The following NYAP2 variants were observed in gnomAD, a reference collection of about 807,000 sequenced individuals.
NYAP2 encodes neuronal tyrosine-phosphorylated phosphoinositide-3-kinase adapter 2.
Under a neutral mutation model 50.4 loss-of-function variants are expected in NYAP2, and 23 were observed. The ratio of observed to expected loss-of-function variants is 0.46; its 90% CI spans 0.33 to 0.65. The LOEUF is 0.65. NYAP2 is among the 30% of genes least tolerant of loss of function. The probability of loss-of-function intolerance (pLI) is 0.02; values close to 1 mark genes in which losing one functional copy is unlikely to be tolerated. For missense variants in NYAP2, 885 were observed against 861.0 expected (o/e 1.03, Z -0.35); for synonymous variants, 394 against 365.2 (o/e 1.08, Z -0.90).
At chr2:225,597,512 A>AATTATATATATATATATATATATATAT (rs1553554328) in intron 5 of NYAP2, among the ~76,000 whole-genome samples, 12 of 46,256 alleles carry the variant, frequency 2.6e-4, no homozygotes, top group African/African-American at 7.0e-4. Flanking sequence ...TCCAAGGAGA[A>AATTATATATATATATATATATATATAT]ATATATATAT....
At chr2:225,627,780 A>T (rs1447635205) in intron 6 of NYAP2, among the ~76,000 whole-genome samples, 2 of 152,240 alleles carry the variant, frequency 1.3e-5, no homozygotes, top group Non-Finnish European at 2.9e-5. Context: ...TCAACTTTTT[A>T]AAAAACAGCA....
At chr2:225,512,552 C>T (rs148570895) in intron 3 of NYAP2, among the ~76,000 whole-genome samples, 278 of 148,530 alleles carry the variant, frequency 1.9e-3, no homozygotes, top group African/African-American at 6.7e-3. Flanking sequence ...TTCCCTCCTT[C>T]CTTCCTTCTT....
chr2:225,631,262 A>G lies in NYAP2; in HGVS notation c.1828+4136A>G, dbSNP rs200851682. ...TAAATTCAGAGTGTAAACAGAATTT[A>G]TACCATACTTTCACTTTCTTCCATA... is the stretch of plus-strand genomic sequence containing the variant. On this transcript the variant is annotated intron_variant, in intron 6 of 6. Transcript: ENST00000636099. 1.2e-4 allele frequency among the ~76,000 whole-genome samples: 18 copies of G among 152,342 alleles called. No homozygotes were observed. In the East Asian group the frequency reaches 3.3e-3, roughly 28 times the overall value.
At chr2:225,441,633 T>C (rs977298529) in intron 3 of NYAP2, among the ~76,000 whole-genome samples, 1 of 152,110 alleles carries the variant, frequency 6.6e-6, no homozygotes, top group Non-Finnish European at 1.5e-5. Flanking sequence ...AGAGAGAGTG[T>C]GCAGGGGAAT....
At chr2:225,502,596 A>G (rs933453155) in intron 3 of NYAP2, among the ~76,000 whole-genome samples, 4 of 152,194 alleles carry the variant, frequency 2.6e-5, no homozygotes, top group African/African-American at 9.6e-5. Context: ...GCCCAAATAT[A>G]CTGATAATTT....
the NYAP2 span, among the ~76,000 whole-genome samples, chr2:225,671,820 A>C: frequency 1.3e-5 from 2 of 152,154 alleles, no homozygotes; most frequent in Admixed American, 1.3e-4. Flanking sequence ...CAGGCATAAA[A>C]ACATTAATCT....
intron 3 of NYAP2, among the ~76,000 whole-genome samples, chr2:225,446,516 T>G (rs994076341): frequency 6.6e-6 from 1 of 151,720 alleles, no homozygotes; most frequent in Non-Finnish European, 1.5e-5. Flanking sequence ...TGAAGTTGCA[T>G]GAAAGTTATA....
At chr2:225,567,852 T>A (rs1260438520) in intron 4 of NYAP2, among the ~76,000 whole-genome samples, 1 of 152,120 alleles carries the variant, frequency 6.6e-6, no homozygotes, top group Admixed American at 6.6e-5. Flanking sequence ...ATGGAAACTA[T>A]TTTGGGTTAT....
At chr2:225,558,070 T>C (rs1382113792) in intron 4 of NYAP2, among the ~76,000 whole-genome samples, 1 of 152,168 alleles carries the variant, frequency 6.6e-6, no homozygotes, top group African/African-American at 2.4e-5. Context: ...TTCGATCCTA[T>C]GATATGACCC....
At chr2:225,511,393 G>GAGAGA (rs1309372829) in intron 3 of NYAP2, among the ~76,000 whole-genome samples, 3 of 140,598 alleles carry the variant, frequency 2.1e-5, no homozygotes, top group South Asian at 2.3e-4. Flanking sequence ...GAGAGAGAGA[G>GAGAGA]GATAAAACAC....
chr2:225,474,431 C>T (rs1388891501), intron 3 of NYAP2, among the ~76,000 whole-genome samples: 2 of 152,154 alleles, frequency 1.3e-5, no homozygotes, highest in East Asian at 3.9e-4. Flanking sequence ...ATTGATTCTT[C>T]CTATCCATGA....
intron 3 of NYAP2, among the ~76,000 whole-genome samples, chr2:225,477,707 A>G (rs1690140658): frequency 6.6e-6 from 1 of 152,174 alleles, no homozygotes; most frequent in South Asian, 2.1e-4. Context: ...AGATACATAC[A>G]CACATACATA....
chr2:225,426,157 T>A (rs1695284022), intron 3 of NYAP2, among the ~76,000 whole-genome samples: 1 of 151,596 alleles, frequency 6.6e-6, no homozygotes, highest in Non-Finnish European at 1.5e-5. Context: ...TTTTTAAAAA[T>A]TCTACTTAAT....
intron 3 of NYAP2, among the ~76,000 whole-genome samples, chr2:225,418,510 A>T (rs1391314720): frequency 1.3e-5 from 2 of 152,158 alleles, no homozygotes; most frequent in African/African-American, 4.8e-5. Flanking sequence ...TCGTAGTTAC[A>T]CTCTGAAGGT....
At chr2:225,493,215 A>G (rs1431088) in intron 3 of NYAP2, among the ~76,000 whole-genome samples, 82,442 of 151,972 alleles carry the variant, frequency 0.54, 24,378 homozygotes, top group African/African-American at 0.79. Flanking sequence ...TCAAACTCCT[A>G]AGCTTAAGAG....
intron 5 of NYAP2, among the ~76,000 whole-genome samples, chr2:225,624,415 G>C (rs1180245318): frequency 6.6e-6 from 1 of 152,156 alleles, no homozygotes; most frequent in Non-Finnish European, 1.5e-5. Flanking sequence ...TTCCTAAGTT[G>C]GAAACTGGGG....
At position 225,589,516 on chromosome 2, in the gene NYAP2, A is replaced by AAT. The variant is rs71062993; in HGVS notation, c.1618+6506_1618+6507dup. 6.0e-3 allele frequency among the ~76,000 whole-genome samples: 426 copies of AAT among 71,330 alleles called. 18 individuals are homozygous for AAT. The highest frequency in any genetic ancestry group is 0.015 in the African/African-American group (281 of 18,182). 46.8% of individuals were successfully genotyped at this position (71,330 alleles called of 152,430 possible). On this transcript the variant is annotated intron_variant, in intron 5 of 6. Transcript: ENST00000636099. ...AAGACTATATCTCTACTAAAAGTAA[A>AAT]ATATATATATATATATATATATATA...
chr2:225,422,643 C>T (rs1276945260), intron 3 of NYAP2, among the ~76,000 whole-genome samples: 2 of 152,032 alleles, frequency 1.3e-5, no homozygotes, highest in African/African-American at 4.8e-5. Flanking sequence ...CCATTACCAA[C>T]AGTGTCAGCT....
At chr2:225,673,985 A>T in the NYAP2 span, among the ~76,000 whole-genome samples, 2 of 150,468 alleles carry the variant, frequency 1.3e-5, no homozygotes, top group Non-Finnish European at 3.0e-5. Context: ...GTAGCTCACA[A>T]ATTTCCCCTG....
Sources: gnomAD v4.1 joint callset for allele counts (sites outside exome capture counted in the v4.1 genomes callset) on GRCh38, gnomAD v4.1.1 for gene constraint, MANE v1.5 for transcripts, NCBI Gene and HGNC (gene_info 2026-07-23, HGNC 2026-07-21) for gene names.